The following KIF14 variants were observed in gnomAD, a reference collection of about 807,000 sequenced individuals.
KIF14 encodes the protein kinesin family member 14, also known as kinesin-like protein KIF14.
A neutral mutation model predicts 176.2 loss-of-function variants in KIF14; 98 were observed. That is an observed-to-expected ratio of 0.56 (90% CI 0.47 to 0.66). The LOEUF (loss-of-function observed/expected upper bound fraction) is 0.66. KIF14 is among the 30% of genes least tolerant of loss of function. The probability of loss-of-function intolerance (pLI) is 0.00; values close to 1 mark genes in which losing one functional copy is unlikely to be tolerated. For missense variants in KIF14, 1,751 were observed against 1,920.4 expected (o/e 0.91, Z 1.65); for synonymous variants, 566 against 632.2 (o/e 0.90, Z 1.57).
intron 8 of KIF14, among the ~76,000 whole-genome samples, chr1:200,604,624 A>G (rs1394100957): frequency 5.3e-5 from 8 of 152,182 alleles, no homozygotes; most frequent in African/African-American, 1.9e-4. Flanking sequence ...GTCCAACAGT[A>G]GAGAAAAACT....
intron 21 of KIF14, 27 bp downstream of exon 21, chr1:200,580,227 T>A: frequency 8.3e-7 from 1 of 1,209,956 alleles, no homozygotes; most frequent in Non-Finnish European, 1.1e-6. Context: ...TTAAAAAATT[T>A]ATAGAGATTT....
At chr1:200,555,265 T>C in intron 28 of KIF14, 115 bp downstream of exon 28, 1 of 659,348 alleles carries the variant, frequency 1.5e-6, no homozygotes, top group Non-Finnish European at 2.6e-6. Context: ...ATTAGACATA[T>C]ACAAAAGAGT....
chr1:200,591,861 C>T (rs1347714200), intron 16 of KIF14, among the ~76,000 whole-genome samples: 2 of 152,172 alleles, frequency 1.3e-5, no homozygotes, highest in African/African-American at 4.8e-5. Flanking sequence ...AGCTAAATTT[C>T]AATCCTTATT....
At position 200,578,310 on chromosome 1, in the gene KIF14, T is replaced by C. The variant is rs376616351; in HGVS notation, c.3465+1944A>G. Among the ~76,000 whole-genome samples, 3 of 152,156 alleles carry C rather than the reference T, an allele frequency of 2.0e-5. No homozygotes were observed. The South Asian group carries it at 6.2e-4, about 31-fold the overall frequency. On this transcript the variant is annotated intron_variant, in intron 21 of 29. Transcript: ENST00000367350. ...TCATTTTTCCATTAAACAATTCAAG[T>C]GTTAGGCTACAATTTGGCAGCATCC...
chr1:200,618,707 G>A lies in KIF14; in HGVS notation c.17C>T (p.Thr6Ile). ...ATCACCGCTGTTATTTCTATTATGA[G>A]TACTGTGTAATGACATTTTGGCAGA... MSLHSTHNRNNSGDIL... is the reference protein window; with the variant it reads MSLHSIHNRNNSGDIL... The change falls in exon 2 of 30, where the codon ACT (threonine) becomes ATT (isoleucine). Residue 6 changes from threonine to isoleucine, a missense_variant. Physicochemically the swap from Thr to Ile is moderately conservative, Grantham distance 89. Coordinates refer to ENST00000367350, the MANE Select transcript of KIF14 (RefSeq NM_014875.3). 6.2e-7 allele frequency: 1 copy of A among 1,605,962 alleles called. No homozygotes were observed. Among genetic ancestry groups the A allele is most frequent in the Non-Finnish European group, 8.5e-7 (1 of 1,177,188 alleles).
intron 22 of KIF14, among the ~76,000 whole-genome samples, chr1:200,570,556 C>A (rs1378109516): frequency 6.6e-6 from 1 of 152,138 alleles, no homozygotes. Flanking sequence ...TGCGAAGAAC[C>A]AAACGAGGTT....
At chr1:200,589,857 G>A (rs1658963483) in intron 17 of KIF14, among the ~76,000 whole-genome samples, 1 of 151,602 alleles carries the variant, frequency 6.6e-6, no homozygotes. Flanking sequence ...TCCCTACATT[G>A]CCCCTGGCTG....
At chr1:200,595,179 C>T (rs1659265773) in intron 14 of KIF14, among the ~76,000 whole-genome samples, 1 of 152,164 alleles carries the variant, frequency 6.6e-6, no homozygotes, top group Admixed American at 6.6e-5. Context: ...CTTGAAGGCC[C>T]AATTTAGAGT....
At chr1:200,590,323 A>C (rs1280944343) in intron 16 of KIF14, 51 bp from the exon 17 acceptor site, 4 of 1,479,894 alleles carry the variant, frequency 2.7e-6, no homozygotes, top group Non-Finnish European at 3.7e-6. Flanking sequence ...TTCTTTATAC[A>C]TCATAATAGT....
rs141183811 is a variant in KIF14, at chr1:200,559,315, T to C, written c.4353+15A>G. 18 of 1,533,616 alleles carry C rather than the reference T, an allele frequency of 1.2e-5. No individual in the cohort carries two copies. The East Asian group carries it at 3.8e-4, about 32-fold the overall frequency. On this transcript the variant is annotated intron_variant, in intron 27 of 29. Coordinates refer to ENST00000367350, the MANE Select transcript of KIF14 (RefSeq NM_014875.3). ...TTATTTAGTACTGTACAGAATATTC[T>C]TTTATTCATCTTACCTCATTTTTTG...
intron 16 of KIF14, among the ~76,000 whole-genome samples, chr1:200,590,621 A>C (rs920647548): frequency 6.6e-6 from 1 of 152,266 alleles, no homozygotes; most frequent in Non-Finnish European, 1.5e-5. Context: ...GTTAGTGGAT[A>C]TCACAGCTAG....
chr1:200,595,473 A>C (rs1659282619), intron 14 of KIF14, among the ~76,000 whole-genome samples: 1 of 152,224 alleles, frequency 6.6e-6, no homozygotes, highest in African/African-American at 2.4e-5. Context: ...GAAAAATGGA[A>C]GTAGAGAGTT....
chr1:200,598,154 A>G (rs1364846934), intron 14 of KIF14, 83 bp downstream of exon 14: 2 of 1,194,578 alleles, frequency 1.7e-6, no homozygotes, highest in Non-Finnish European at 2.4e-6. Context: ...ATCAGTATCA[A>G]CGAATATGCC....
Position 200,590,284 on chromosome 1 carries a change from C to A in KIF14, c.2814-12G>T. 1 of 1,609,004 alleles carries A rather than the reference C, an allele frequency of 6.2e-7. No homozygotes were observed. Among genetic ancestry groups the A allele is most frequent in the Non-Finnish European group, 8.5e-7 (1 of 1,178,164 alleles). Reference sequence around the variant, plus strand: ...TTTCTGCTTCAAGTCTACAATGTAGCAAGATGTTTATAGGGTACATGTTAA... The same window carrying A: ...TTTCTGCTTCAAGTCTACAATGTAGAAAGATGTTTATAGGGTACATGTTAA... On this transcript the variant is annotated splice_polypyrimidine_tract_variant and intron_variant, in intron 16 of 29. Coordinates refer to ENST00000367350, the MANE Select transcript of KIF14 (RefSeq NM_014875.3).
intron 7 of KIF14, 102 bp downstream of exon 7, chr1:200,605,758 AAACT>A (rs1659848945): frequency 4.3e-6 from 3 of 702,090 alleles, no homozygotes; most frequent in East Asian, 3.2e-5. Flanking sequence ...TAAATTAAGG[AAACT>A]AACCTTTTAT....
intron 27 of KIF14, among the ~76,000 whole-genome samples, chr1:200,557,556 G>T (rs529714614): frequency 6.6e-6 from 1 of 152,154 alleles, no homozygotes; most frequent in Non-Finnish European, 1.5e-5. Context: ...GGAAGTAGGA[G>T]AGCAGCTTAA....
At chr1:200,565,343 A>G in intron 24 of KIF14, 90 bp from the exon 25 acceptor site, 2 of 1,420,978 alleles carry the variant, frequency 1.4e-6, no homozygotes, top group South Asian at 2.7e-5. Flanking sequence ...TAACACAGTT[A>G]AAAGATGCAT....
At chr1:200,568,799 C>T (rs1358993315) in intron 23 of KIF14, among the ~76,000 whole-genome samples, 1 of 152,104 alleles carries the variant, frequency 6.6e-6, no homozygotes, top group African/African-American at 2.4e-5. Flanking sequence ...AGTATATATA[C>T]TCTTTTGGAT....
At chr1:200,583,176 C>T (rs745758765) in intron 19 of KIF14, among the ~76,000 whole-genome samples, 36 of 151,528 alleles carry the variant, frequency 2.4e-4, no homozygotes, top group African/African-American at 5.8e-4. Flanking sequence ...ATCTACCAAA[C>T]GCAATGTGTA....
Sources: allele counts gnomAD v4.1 joint callset (sites outside exome capture counted in the v4.1 genomes callset), GRCh38; gene constraint gnomAD v4.1.1; transcripts MANE v1.5; gene names NCBI Gene and HGNC (gene_info 2026-07-23, HGNC 2026-07-21).